Variants in TBK1 observed in about 807,000 individuals in gnomAD.
TBK1 encodes the protein serine/threonine-protein kinase TBK1.
TBK1 carries 37 observed loss-of-function variants against 99.9 expected under a neutral mutation model. The ratio of observed to expected loss-of-function variants is 0.37; its 90% CI spans 0.28 to 0.49. The LOEUF (loss-of-function observed/expected upper bound fraction) is 0.49, where lower values mean the gene tolerates loss of function less well. Among genes scored for constraint, TBK1 ranks in the 20% least tolerant of loss-of-function variants. The pLI is 0.98. For missense variants in TBK1, 644 were observed against 872.5 expected, an observed-to-expected ratio of 0.74 and a Z score of 3.30; for synonymous variants, 258 against 279.8, an observed-to-expected ratio of 0.92 and a Z score of 0.78.
chr12:64,498,366 T>C (rs2136089516), intron 20 of TBK1, among the ~76,000 whole-genome samples: 1 of 152,382 alleles, frequency 6.6e-6, no homozygotes, highest in Admixed American at 6.5e-5. Flanking sequence ...ACCAGCACTT[T>C]GGTGCTGAGT....
intron 5 of TBK1, among the ~76,000 whole-genome samples, chr12:64,468,807 G>T (rs78755869): frequency 6.6e-6 from 1 of 152,162 alleles, no homozygotes; most frequent in Non-Finnish European, 1.5e-5. Context: ...ACACTGAAAT[G>T]ATAAAAAGAA....
In TBK1 at chr12:64,501,528, TA is replaced by T; in HGVS notation, c.*153del. 1.4e-6 allele frequency: 1 copy of T among 723,980 alleles called. No individual in the cohort carries two copies. The highest frequency in any genetic ancestry group is 2.1e-6 in the Non-Finnish European group (1 of 466,788). The allele number at this position is 723,980 out of a possible 1,614,324, so 44.8% of individuals were successfully genotyped here. A position where few individuals can be genotyped will look rare whatever the true frequency, so the allele number is the denominator to read the frequency against. ...AAATATGTACAATATTGTAAATACA[TA>T]AAAAATATACAAATTTTTGGCTGCT... On this transcript the variant is annotated 3_prime_UTR_variant, in exon 21 of 21. Transcript: ENST00000331710.
At chr12:64,456,963 GAAATGGAGTCTGAGAAAGAAGCTGGAA>G (rs2040496081) in intron 2 of TBK1, among the ~76,000 whole-genome samples, 1 of 152,112 alleles carries the variant, frequency 6.6e-6, no homozygotes, top group Admixed American at 6.5e-5. Flanking sequence ...AAAAGCTGGA[GAAATGGAGTCTGAGAAAGAAGCTGGAA>G]AAATGGAGTA....
chr12:64,484,885 G>C (rs1304622377), intron 9 of TBK1, among the ~76,000 whole-genome samples: 2 of 152,156 alleles, frequency 1.3e-5, no homozygotes, highest in African/African-American at 4.8e-5. Flanking sequence ...GAGAGTAATT[G>C]TAAAATTGAA....
intron 5 of TBK1, among the ~76,000 whole-genome samples, chr12:64,468,705 A>G (rs2040631088): frequency 6.6e-6 from 1 of 152,214 alleles, no homozygotes; most frequent in Admixed American, 6.5e-5. Context: ...ATTAAAGTTT[A>G]GCAAAGACAA....
intron 8 of TBK1, 124 bp from the exon 9 acceptor site, chr12:64,484,179 T>G: frequency 1.6e-6 from 1 of 644,482 alleles, no homozygotes; most frequent in South Asian, 2.3e-5. Context: ...CAAAGCAAGT[T>G]TATATGGACT....
intron 1 of TBK1, among the ~76,000 whole-genome samples, chr12:64,453,739 T>G (rs556767238): frequency 6.6e-6 from 1 of 152,340 alleles, no homozygotes; most frequent in African/African-American, 2.4e-5. Context: ...GGGGGCATGG[T>G]GGGACTAGTG....
At chr12:64,454,684 T>TC (rs1449402129) in intron 1 of TBK1, among the ~76,000 whole-genome samples, 1 of 145,062 alleles carries the variant, frequency 6.9e-6, no homozygotes, top group East Asian at 2.0e-4. Context: ...TTTTTTTTTT[T>TC]TTTTTTTTTT....
intron 2 of TBK1, among the ~76,000 whole-genome samples, chr12:64,459,562 C>T (rs913400156): frequency 5.9e-5 from 9 of 152,152 alleles, no homozygotes; most frequent in African/African-American, 2.2e-4. Flanking sequence ...GAACAGCCTG[C>T]CCTGGTCATC....
At chr12:64,486,408 A>G (rs1235042519) in intron 11 of TBK1, among the ~76,000 whole-genome samples, 1 of 151,982 alleles carries the variant, frequency 6.6e-6, no homozygotes, top group African/African-American at 2.4e-5. Context: ...TCCCAAATGA[A>G]GTACACAGTC....
At chr12:64,465,894 A>G (rs2040598702) in intron 4 of TBK1, among the ~76,000 whole-genome samples, 2 of 152,334 alleles carry the variant, frequency 1.3e-5, no homozygotes, top group Non-Finnish European at 2.9e-5. Flanking sequence ...TACACTTTAA[A>G]AAGATGAATG....
At chr12:64,474,942 C>G (rs1359049476) in intron 6 of TBK1, among the ~76,000 whole-genome samples, 1 of 152,056 alleles carries the variant, frequency 6.6e-6, no homozygotes, top group Non-Finnish European at 1.5e-5. Context: ...AACAGTGAGA[C>G]CCTGTCTCTA....
rs1436652606 is a variant in TBK1 at position 64,474,244 on chromosome 12, T to C, written c.555T>C (p.Tyr185=). The C allele has an allele frequency of 6.2e-7, 1 of 1,613,314 alleles. No homozygotes were observed. The highest frequency in any genetic ancestry group is 8.5e-7 in the Non-Finnish European group (1 of 1,179,798). ...TTTAATCTTAGCACCCTGATATGTATGAGAGAGCAGTGCTAAGAAAAGATC... is the reference window on the plus strand; with the variant it reads ...TTTAATCTTAGCACCCTGATATGTACGAGAGAGCAGTGCTAAGAAAAGATC... The part of the protein sequence containing the change: ...GTEEYLHPDM[Y]ERAVLRKDHQ... The change falls in exon 6 of 21, where the codon TAT becomes TAC. Residue 185 remains tyrosine, a synonymous_variant. Coordinates refer to ENST00000331710, the MANE Select transcript of TBK1 (RefSeq NM_013254.4).
At chr12:64,465,264 A>AAAAAAAAAAAG (rs1555202820) in intron 4 of TBK1, among the ~76,000 whole-genome samples, 3 of 150,524 alleles carry the variant, frequency 2.0e-5, no homozygotes, top group African/African-American at 7.4e-5. Context: ...AAAAAAAAAA[A>AAAAAAAAAAAG]CAAGTGTTGG....
chr12:64,452,491 C>G (rs1257949086), intron 1 of TBK1: 5 of 152,276 alleles, frequency 3.3e-5, no homozygotes, highest in Non-Finnish European at 7.3e-5. Flanking sequence ...CGACCTGCAT[C>G]CCGTCCGGCG....
chr12:64,468,987 G>C (rs965889437), intron 5 of TBK1, among the ~76,000 whole-genome samples: 12 of 152,038 alleles, frequency 7.9e-5, no homozygotes, highest in Admixed American at 6.6e-4. Flanking sequence ...TACTGCATCA[G>C]TCTGAACCCT....
At chr12:64,473,121 T>TA (rs1165335322) in intron 5 of TBK1, among the ~76,000 whole-genome samples, 2 of 152,238 alleles carry the variant, frequency 1.3e-5, no homozygotes, top group African/African-American at 4.8e-5. Flanking sequence ...ATTGTTTACT[T>TA]AAAGTTTAGG....
In TBK1 at chr12:64,496,373, C is replaced by T. The variant is rs767446906; in HGVS notation, c.1727C>T (p.Ala576Val). Residue 576 changes from alanine to valine, a missense_variant, in exon 16 of 21, where the codon GCT (alanine) becomes GTT (valine). Ala to Val is a moderately conservative substitution (Grantham distance 64). This residue lies in a region of TBK1 where 465 missense variants were observed against 588.0 expected (regional missense o/e 0.79). Coordinates refer to ENST00000331710, the MANE Select transcript of TBK1 (RefSeq NM_013254.4). ...FKKDKAERRLAYNEEQIHKFD... is the reference protein window; with the variant it reads ...FKKDKAERRLVYNEEQIHKFD... ...TATATTTTCCTATTTCTAGGATTAGCTTATAATGAAGAACAAATCCACAAA... is the reference window on the plus strand; with the variant it reads ...TATATTTTCCTATTTCTAGGATTAGTTTATAATGAAGAACAAATCCACAAA... 2 of 1,202,914 alleles carry T rather than the reference C, an allele frequency of 1.7e-6. No individual in the cohort carries two copies. Among genetic ancestry groups the T allele is most frequent in the South Asian group, 1.4e-5 (1 of 69,932 alleles). 74.5% of individuals were successfully genotyped at this position (1,202,914 alleles called of 1,614,324 possible). A position where few individuals can be genotyped will look rare whatever the true frequency, so the allele number is the denominator to read the frequency against.
intron 11 of TBK1, 56 bp from the exon 12 acceptor site, chr12:64,488,431 T>C: frequency 9.7e-7 from 1 of 1,030,428 alleles, no homozygotes; most frequent in Non-Finnish European, 1.4e-6. Flanking sequence ...TAATTAGTGA[T>C]AGATAGAAAA....
Sources: gnomAD v4.1 joint callset for allele counts (sites outside exome capture counted in the v4.1 genomes callset) on GRCh38, gnomAD v4.1.1 for gene constraint, gnomAD v4.1.1 regional missense constraint, MANE v1.5 for transcripts, NCBI Gene and HGNC (gene_info 2026-07-23, HGNC 2026-07-21) for gene names.